GRID1: variants seen among roughly 807,000 people sequenced by gnomAD.
GRID1 encodes glutamate ionotropic receptor delta type subunit 1.
In GRID1, 28 loss-of-function variants were observed where a neutral mutation model predicts 98.0. The ratio of observed to expected loss-of-function variants is 0.29; its 90% CI spans 0.21 to 0.39. The LOEUF (loss-of-function observed/expected upper bound fraction) is 0.39, where lower values mean the gene tolerates loss of function less well. Ranked by LOEUF, GRID1 falls within the 10% of genes least tolerant of loss-of-function variation. The pLI is 1.00. For synonymous variants in GRID1, 553 were observed against 538.5 expected (o/e 1.03, Z -0.37); for missense variants, 1,111 against 1,340.5 (o/e 0.83, Z 2.67).
intron 12 of GRID1, among the ~76,000 whole-genome samples, chr10:85,657,826 A>G (rs1840917835): frequency 6.6e-6 from 1 of 152,120 alleles, no homozygotes; most frequent in African/African-American, 2.4e-5. Context: ...GGAAATCAGC[A>G]TCCACCAATT....
intron 8 of GRID1, among the ~76,000 whole-genome samples, chr10:85,827,258 T>G (rs1258042223): frequency 6.6e-6 from 1 of 151,804 alleles, no homozygotes; most frequent in African/African-American, 2.4e-5. Flanking sequence ...AGCTGAAAAA[T>G]GAAGTGGCCA....
intron 4 of GRID1, among the ~76,000 whole-genome samples, chr10:85,995,517 G>A (rs1842730119): frequency 1.3e-5 from 2 of 152,198 alleles, no homozygotes; most frequent in Non-Finnish European, 2.9e-5. Context: ...AGGTGTAATG[G>A]AGTAAGAGCA....
At chr10:86,359,728 T>C (rs776557588) in intron 2 of GRID1, among the ~76,000 whole-genome samples, 12 of 152,238 alleles carry the variant, frequency 7.9e-5, no homozygotes, top group Non-Finnish European at 1.0e-4. Flanking sequence ...ATGAGAAGAC[T>C]CGTGCTCAGC....
At chr10:86,242,508 A>G (rs1589423676) in intron 2 of GRID1, among the ~76,000 whole-genome samples, 1 of 152,342 alleles carries the variant, frequency 6.6e-6, no homozygotes, top group East Asian at 1.9e-4. Flanking sequence ...CTCATCAGGC[A>G]TTCACAGGCC....
intron 2 of GRID1, among the ~76,000 whole-genome samples, chr10:86,282,609 C>G (rs772773378): frequency 4.6e-5 from 7 of 152,166 alleles, no homozygotes; most frequent in Non-Finnish European, 1.0e-4. Context: ...GCAGCAAGAC[C>G]ATTTAAGCAT....
intron 8 of GRID1, among the ~76,000 whole-genome samples, chr10:85,842,367 C>A (rs1842968845): frequency 6.6e-6 from 1 of 152,018 alleles, no homozygotes; most frequent in African/African-American, 2.4e-5. Context: ...CTAATGGGTA[C>A]TAGGCTTAAT....
chr10:85,715,772 G>A (rs1045430688), intron 12 of GRID1, among the ~76,000 whole-genome samples: 2 of 152,082 alleles, frequency 1.3e-5, no homozygotes, highest in Non-Finnish European at 2.9e-5. Flanking sequence ...AAATATAGAA[G>A]TACCGTATGA....
chr10:85,617,469 C>T (rs909457941), intron 14 of GRID1, among the ~76,000 whole-genome samples: 5 of 151,950 alleles, frequency 3.3e-5, no homozygotes, highest in East Asian at 1.9e-4. Flanking sequence ...CCTGGCCTCA[C>T]GTGATCTGCC....
intron 12 of GRID1, among the ~76,000 whole-genome samples, chr10:85,707,275 A>C (rs187670294): frequency 7.1e-4 from 108 of 152,326 alleles, no homozygotes; most frequent in African/African-American, 2.2e-3. Context: ...AGAAAAAAAA[A>C]CAAACAATCC....
intron 8 of GRID1, among the ~76,000 whole-genome samples, chr10:85,744,412 C>A (rs138528431): frequency 6.6e-6 from 1 of 151,498 alleles, no homozygotes; most frequent in African/African-American, 2.4e-5. Context: ...TCAGAAATAA[C>A]GCTGCATATC....
At chr10:85,656,911 T>G (rs1840903763) in intron 12 of GRID1, among the ~76,000 whole-genome samples, 2 of 152,204 alleles carry the variant, frequency 1.3e-5, no homozygotes, top group South Asian at 4.1e-4. Context: ...TGCCAGATCA[T>G]GTCACCTCAT....
intron 5 of GRID1, among the ~76,000 whole-genome samples, chr10:85,876,105 T>C (rs1019514930): frequency 6.6e-6 from 1 of 152,248 alleles, no homozygotes; most frequent in Admixed American, 6.5e-5. Flanking sequence ...TAGCTTCCAC[T>C]GCTGTCCAGT....
intron 12 of GRID1, among the ~76,000 whole-genome samples, chr10:85,714,698 G>T (rs1419544819): frequency 6.6e-6 from 1 of 152,030 alleles, no homozygotes; most frequent in East Asian, 1.9e-4. Flanking sequence ...TGAAAAATCT[G>T]TATGCCATGC....
chr10:86,115,111 T>C (rs551978754), intron 4 of GRID1, among the ~76,000 whole-genome samples: 1 of 152,020 alleles, frequency 6.6e-6, no homozygotes, highest in East Asian at 1.9e-4. Context: ...CCTGGAGAGT[T>C]TGGGGAGATG....
At chr10:86,313,453 A>G (rs987510333) in intron 2 of GRID1, among the ~76,000 whole-genome samples, 3 of 152,092 alleles carry the variant, frequency 2.0e-5, no homozygotes, top group African/African-American at 7.2e-5. Context: ...ATGCATAGGA[A>G]ATGTTAGTGT....
chr10:86,200,354 A>T (rs899321499), intron 3 of GRID1, among the ~76,000 whole-genome samples: 1 of 152,156 alleles, frequency 6.6e-6, no homozygotes, highest in Admixed American at 6.5e-5. Flanking sequence ...AGCTTTCTTC[A>T]GTTGCCACCA....
At chr10:86,112,150 A>G (rs919549025) in intron 4 of GRID1, among the ~76,000 whole-genome samples, 1 of 152,112 alleles carries the variant, frequency 6.6e-6, no homozygotes, top group African/African-American at 2.4e-5. Context: ...CCTCATCCCT[A>G]TGACTAGGGA....
At chr10:85,834,823 T>C (rs1842898467) in intron 8 of GRID1, among the ~76,000 whole-genome samples, 1 of 152,180 alleles carries the variant, frequency 6.6e-6, no homozygotes, top group Non-Finnish European at 1.5e-5. Context: ...TAAACAATTA[T>C]GATTTAGCAC....
At chr10:86,068,671 G>A (rs183516206) in intron 4 of GRID1, among the ~76,000 whole-genome samples, 5 of 152,260 alleles carry the variant, frequency 3.3e-5, no homozygotes, top group South Asian at 2.1e-4. Flanking sequence ...TGTCACACAC[G>A]CTCCAGCTGA....
Sources: gnomAD v4.1 joint callset for allele counts (sites outside exome capture counted in the v4.1 genomes callset) on GRCh38, gnomAD v4.1.1 for gene constraint, MANE v1.5 for transcripts, NCBI Gene and HGNC (gene_info 2026-07-23, HGNC 2026-07-21) for gene names.